AIDA: variants seen among roughly 807,000 people sequenced by gnomAD.
The protein encoded by AIDA is axin interactor, dorsalization associated, also known as axin interactor, dorsalization-associated protein.
Under a neutral mutation model 42.7 loss-of-function variants are expected in AIDA, and 18 were observed. That is an observed-to-expected ratio of 0.42 (90% CI 0.29 to 0.63). The LOEUF is 0.63. Ranked by LOEUF, AIDA falls within the 20% of genes least tolerant of loss-of-function variation. The pLI is 0.19. For missense variants in AIDA, 250 were observed against 354.1 expected (o/e 0.71, Z 2.36); for synonymous variants, 104 against 122.9 (o/e 0.85, Z 1.02).
At chr1:222,683,398 C>T (rs952234969) in intron 6 of AIDA, among the ~76,000 whole-genome samples, 3 of 152,140 alleles carry the variant, frequency 2.0e-5, no homozygotes, top group Non-Finnish European at 2.9e-5. Flanking sequence ...TCCATGCTTT[C>T]TTATCTTTCA....
At chr1:222,678,296 A>T (rs1346855426) in intron 6 of AIDA, among the ~76,000 whole-genome samples, 1 of 151,168 alleles carries the variant, frequency 6.6e-6, no homozygotes, top group African/African-American at 2.4e-5. Flanking sequence ...TGTTGTCACA[A>T]CTTAAAATTT....
intron 6 of AIDA, among the ~76,000 whole-genome samples, chr1:222,678,241 T>C (rs1427334731): frequency 6.6e-6 from 1 of 151,628 alleles, no homozygotes; most frequent in African/African-American, 2.4e-5. Context: ...GTGTGTACTA[T>C]CTGTTCATGT....
chr1:222,701,120 G>A (rs1047352663), intron 2 of AIDA, among the ~76,000 whole-genome samples: 5 of 151,720 alleles, frequency 3.3e-5, no homozygotes, highest in African/African-American at 7.3e-5. Flanking sequence ...ACACCACCAC[G>A]CCTACCTAAT....
intron 1 of AIDA, among the ~76,000 whole-genome samples, chr1:222,710,755 G>C (rs1233416091): frequency 6.6e-6 from 1 of 152,152 alleles, no homozygotes; most frequent in Non-Finnish European, 1.5e-5. Context: ...AGTGGTATCA[G>C]CTTGTGACCT....
At chr1:222,672,553 G>C (rs561258394) in intron 8 of AIDA, among the ~76,000 whole-genome samples, 1 of 152,276 alleles carries the variant, frequency 6.6e-6, no homozygotes, top group East Asian at 1.9e-4. Context: ...AAGGCTCCAG[G>C]TGCTGCTCCT....
chr1:222,673,168 A>T, intron 8 of AIDA, 145 bp downstream of exon 8: 1 of 678,338 alleles, frequency 1.5e-6, no homozygotes, highest in Non-Finnish European at 2.2e-6. Flanking sequence ...CATTTTAAAA[A>T]TATGTATATT....
Position 222,668,728 on chromosome 1 carries a change from A to T in AIDA, c.*1165T>A, listed in dbSNP as rs550955941. 530 of 132,740 alleles carry T rather than the reference A, an allele frequency of 4.0e-3. 6 individuals carry two copies. The highest frequency in any genetic ancestry group is 0.026 in the South Asian group (94 of 3,680). The allele number at this position is 132,740 out of a possible 1,614,324, so 8.2% of individuals were successfully genotyped here. On this transcript the variant is annotated 3_prime_UTR_variant, in exon 10 of 10. Transcript: ENST00000340020. ...CTCATTTAAAATAGTGAATATTAAAATATGTGGGCTTTACATCTAACCCAC... is the reference window on the plus strand; with the variant it reads ...CTCATTTAAAATAGTGAATATTAAATTATGTGGGCTTTACATCTAACCCAC...
chr1:222,672,129 A>G (rs1160184830), intron 8 of AIDA, among the ~76,000 whole-genome samples: 1 of 152,174 alleles, frequency 6.6e-6, no homozygotes, highest in African/African-American at 2.4e-5. Context: ...AGTTAAAACT[A>G]CAGTAACAGT....
chr1:222,702,570 T>C lies in AIDA; in HGVS notation c.180+578A>G, dbSNP rs566240212. ...TTTAATTCAAGGAGAAAAGGCACGATTGAAACATTTTGCAACCTTACGCAT... is the reference window on the plus strand; with the variant it reads ...TTTAATTCAAGGAGAAAAGGCACGACTGAAACATTTTGCAACCTTACGCAT... On this transcript the variant is annotated intron_variant, in intron 2 of 9. Transcript: ENST00000340020. Among the ~76,000 whole-genome samples the C allele has an allele frequency of 3.9e-5, 6 of 152,332 alleles. No individual in the cohort carries two copies. In the East Asian group the frequency reaches 7.7e-4, roughly 20 times the overall value.
chr1:222,672,687 C>T (rs1023920952), intron 8 of AIDA, among the ~76,000 whole-genome samples: 3 of 152,158 alleles, frequency 2.0e-5, no homozygotes, highest in Non-Finnish European at 2.9e-5. Flanking sequence ...TTTCAGACGC[C>T]GAGGCAATCA....
chr1:222,702,411 CTT>C (rs1004496924), intron 2 of AIDA, among the ~76,000 whole-genome samples: 5 of 151,928 alleles, frequency 3.3e-5, no homozygotes, highest in Non-Finnish European at 7.4e-5. Flanking sequence ...TAAACATTGA[CTT>C]AACACTAGAT....
intron 1 of AIDA, among the ~76,000 whole-genome samples, chr1:222,708,295 A>AGT (rs1491088240): frequency 6.8e-6 from 1 of 147,492 alleles, no homozygotes; most frequent in Non-Finnish European, 1.5e-5. Context: ...TGGGCGACAG[A>AGT]GTGAGAATCC....
chr1:222,677,968 G>A (rs956940952), intron 6 of AIDA, among the ~76,000 whole-genome samples: 3 of 151,962 alleles, frequency 2.0e-5, no homozygotes, highest in African/African-American at 7.3e-5. Flanking sequence ...TAAATTCCTA[G>A]GAACAGGATT....
intron 2 of AIDA, among the ~76,000 whole-genome samples, chr1:222,694,717 A>T (rs1243443310): frequency 6.6e-6 from 1 of 152,220 alleles, no homozygotes; most frequent in African/African-American, 2.4e-5. Context: ...CAAAACTGGT[A>T]TTTGTGATAA....
intron 1 of AIDA, among the ~76,000 whole-genome samples, chr1:222,706,590 GGCATGTGGTGGCTCAT>G (rs1263292470): frequency 6.6e-6 from 1 of 151,926 alleles, no homozygotes; most frequent in African/African-American, 2.4e-5. Context: ...GATCACACCC[GGCATGTGGTGGCTCAT>G]GCCTGTAATC....
intron 7 of AIDA, among the ~76,000 whole-genome samples, chr1:222,675,017 T>C (rs1664519673): frequency 6.6e-6 from 1 of 152,216 alleles, no homozygotes; most frequent in Non-Finnish European, 1.5e-5. Context: ...AGGCCATATA[T>C]TTGATACCTG....
At chr1:222,697,877 A>G (rs1310716739) in intron 2 of AIDA, among the ~76,000 whole-genome samples, 1 of 152,116 alleles carries the variant, frequency 6.6e-6, no homozygotes, top group Non-Finnish European at 1.5e-5. Context: ...AGATGAGGGT[A>G]AGGGTGGAAA....
chr1:222,687,353 C>G (rs1345719594), intron 5 of AIDA, among the ~76,000 whole-genome samples: 4 of 152,066 alleles, frequency 2.6e-5, no homozygotes. Flanking sequence ...ATTGCTTGAA[C>G]CCAGGAGGCG....
chr1:222,712,050 C>T, intron 1 of AIDA, 158 bp downstream of exon 1: 3 of 1,152,408 alleles, frequency 2.6e-6, no homozygotes, highest in Non-Finnish European at 3.7e-6. Flanking sequence ...AGAGCAGCCT[C>T]GCTGGGGCTG....
Sources: allele counts gnomAD v4.1 joint callset (sites outside exome capture counted in the v4.1 genomes callset), GRCh38; gene constraint gnomAD v4.1.1; transcripts MANE v1.5; gene names NCBI Gene and HGNC (gene_info 2026-07-23, HGNC 2026-07-21).